PTPRA: variants seen among roughly 807,000 people sequenced by gnomAD.
The protein encoded by PTPRA is receptor-type tyrosine-protein phosphatase alpha.
Under a neutral mutation model 104.8 loss-of-function variants are expected in PTPRA, and 25 were observed. That is an observed-to-expected ratio of 0.24 (90% CI 0.17 to 0.33). The LOEUF is 0.33. PTPRA is among the 10% of genes least tolerant of loss of function. PTPRA has a pLI of 1.00. For missense variants in PTPRA, 765 were observed against 1,015.3 expected (o/e 0.75, Z 3.35); for synonymous variants, 323 against 368.9 (o/e 0.88, Z 1.43).
chr20:3,013,275 A>G (rs1010775334), intron 11 of PTPRA, among the ~76,000 whole-genome samples: 4 of 152,348 alleles, frequency 2.6e-5, no homozygotes, highest in African/African-American at 9.6e-5. Flanking sequence ...TAGTTTGGGA[A>G]ACACATAGGT....
rs540529821 is a variant in PTPRA, at chr20:3,032,586, C to A, written c.1921-2999C>A. 2.3e-3 allele frequency among the ~76,000 whole-genome samples: 340 copies of A among 151,080 alleles called. 3 individuals carry two copies. The highest frequency in any genetic ancestry group is 3.0e-3 in the Admixed American group (45 of 15,212). On this transcript the variant is annotated intron_variant, in intron 20 of 23. Transcript: ENST00000399903. ...ATCGAGACCAGCCTGGCCAACATGG[C>A]AAAACCCCATCTCTACTAAAAATAC...
rs541053787 is a variant in PTPRA at position 2,947,284 on chromosome 20, A to G, written c.-49-698A>G. On this transcript the variant is annotated intron_variant, in intron 2 of 23. Transcript: ENST00000399903. ...CCAACAGTCAGAGATTGTTACACCA[A>G]GATAAATAGCATATTTCTCAGCGCC... Among the ~76,000 whole-genome samples the G allele has an allele frequency of 3.3e-5, 5 of 152,340 alleles. No homozygotes were observed. In the South Asian group the frequency reaches 1.0e-3, roughly 32 times the overall value.
chr20:2,890,304 G>A (rs2058746573), intron 1 of PTPRA, among the ~76,000 whole-genome samples: 1 of 151,784 alleles, frequency 6.6e-6, no homozygotes, highest in African/African-American at 2.4e-5. Flanking sequence ...TTTAATTTTG[G>A]GTGTTGGATA....
chr20:2,991,243 C>T (rs1468079532), intron 9 of PTPRA, among the ~76,000 whole-genome samples: 1 of 151,978 alleles, frequency 6.6e-6, no homozygotes, highest in African/African-American at 2.4e-5. Context: ...CCTGTAATCC[C>T]AGCTACTTGG....
intron 1 of PTPRA, among the ~76,000 whole-genome samples, chr20:2,876,624 G>A (rs908709059): frequency 6.6e-6 from 1 of 152,192 alleles, no homozygotes; most frequent in Admixed American, 6.5e-5. Flanking sequence ...TTCTCTTACA[G>A]CAATGAATGT....
intron 1 of PTPRA, among the ~76,000 whole-genome samples, chr20:2,897,874 C>T (rs2059071810): frequency 6.8e-6 from 1 of 148,024 alleles, no homozygotes; most frequent in African/African-American, 2.5e-5. Flanking sequence ...TTCAGGCTGG[C>T]TCCTGTGTCC....
intron 1 of PTPRA, among the ~76,000 whole-genome samples, chr20:2,898,523 T>A (rs558257438): frequency 2.0e-5 from 3 of 151,486 alleles, no homozygotes; most frequent in Non-Finnish European, 2.9e-5. Context: ...CATGTCCCCA[T>A]CATTCTTTGA....
intron 6 of PTPRA, among the ~76,000 whole-genome samples, chr20:2,977,808 T>C (rs1411415777): frequency 6.6e-6 from 1 of 151,306 alleles, no homozygotes; most frequent in Admixed American, 6.6e-5. Context: ...TGTAAATATA[T>C]ATATGCATAT....
chr20:2,910,589 G>GTTTTTTTTTTTTTTTTTT (rs1423909050), intron 1 of PTPRA, among the ~76,000 whole-genome samples: 5 of 57,972 alleles, frequency 8.6e-5, no homozygotes, highest in Non-Finnish European at 8.6e-5. Flanking sequence ...TTTTTTTTTT[G>GTTTTTTTTTTTTTTTTTT]TTTTTTTTTT....
chr20:2,922,963 G>T (rs540474166), intron 1 of PTPRA, among the ~76,000 whole-genome samples: 1 of 151,774 alleles, frequency 6.6e-6, no homozygotes, highest in African/African-American at 2.4e-5. Flanking sequence ...GTCTCATTCT[G>T]TTCCCAGGCT....
At chr20:2,868,051 T>C in the PTPRA span, among the ~76,000 whole-genome samples, 1 of 152,218 alleles carries the variant, frequency 6.6e-6, no homozygotes, top group Non-Finnish European at 1.5e-5. Context: ...GCTGAAATCA[T>C]GTGAAAGCTT....
Position 2,975,142 on chromosome 20 carries a change from G to C in PTPRA, c.416-73G>C, listed in dbSNP as rs374723344. 1,787 of 1,336,940 alleles carry C rather than the reference G, an allele frequency of 1.3e-3. 1 individual carries two copies. Among genetic ancestry groups the C allele is most frequent in the Admixed American group, 2.1e-3 (105 of 49,552 alleles). 82.8% of individuals were successfully genotyped at this position (1,336,940 alleles called of 1,614,324 possible). A position where few individuals can be genotyped will look rare whatever the true frequency, so the allele number is the denominator to read the frequency against. On this transcript the variant is annotated intron_variant, in intron 5 of 23. Transcript: ENST00000399903. Reference sequence around the variant, plus strand: ...CATTCCTAATCCTGGAGCTTGTTTTGTTGTACTCTAATTGAATTGTAATGT... The same window carrying C: ...CATTCCTAATCCTGGAGCTTGTTTTCTTGTACTCTAATTGAATTGTAATGT...
chr20:2,962,595 A>G (rs1200694517), intron 3 of PTPRA, among the ~76,000 whole-genome samples: 5 of 152,192 alleles, frequency 3.3e-5, no homozygotes, highest in Non-Finnish European at 7.4e-5. Flanking sequence ...TGAGTTTCCA[A>G]TTTTGGATTA....
chr20:2,936,262 C>A (rs1003863675), intron 2 of PTPRA, among the ~76,000 whole-genome samples: 6 of 152,110 alleles, frequency 3.9e-5, no homozygotes, highest in African/African-American at 1.2e-4. Context: ...CAGAATGTGT[C>A]CTTACTGAGT....
intron 2 of PTPRA, among the ~76,000 whole-genome samples, chr20:2,945,960 A>G (rs1336438504): frequency 6.6e-6 from 1 of 151,868 alleles, no homozygotes; most frequent in African/African-American, 2.4e-5. Flanking sequence ...ATATATATAT[A>G]TCTATATCTT....
rs1180681994 is a variant in PTPRA, at chr20:3,030,676, CTTTTTTTTTTTTT to C, written c.1920+2850_1920+2862del. Among the ~76,000 whole-genome samples, 138 of 67,738 alleles carry C rather than the reference CTTTTTTTTTTTTT, an allele frequency of 2.0e-3. 1 individual carries two copies. The highest frequency in any genetic ancestry group is 4.0e-3 in the South Asian group (7 of 1,746). The allele number at this position is 67,738 out of a possible 152,430, so 44.4% of individuals were successfully genotyped here. On this transcript the variant is annotated intron_variant, in intron 20 of 23. Transcript: ENST00000399903. Reference sequence around the variant, plus strand: ...AAAAATTTTTAATTATCTCCCTCTGCTTTTTTTTTTTTTTTTTTTTTTTTTTTGAGATGGAGTC... The same window carrying C: ...AAAAATTTTTAATTATCTCCCTCTGCTTTTTTTTTTTTTTGAGATGGAGTC...
At chr20:2,985,378 A>G (rs529034229) in intron 6 of PTPRA, among the ~76,000 whole-genome samples, 44 of 152,362 alleles carry the variant, frequency 2.9e-4, no homozygotes, top group African/African-American at 1.0e-3. Context: ...AATGAGGTCA[A>G]GAAGACAAGT....
chr20:2,890,493 A>G (rs2058753403), intron 1 of PTPRA, among the ~76,000 whole-genome samples: 1 of 152,240 alleles, frequency 6.6e-6, no homozygotes, highest in African/African-American at 2.4e-5. Context: ...CTTAGCACAT[A>G]GTAAATCTTT....
intron 1 of PTPRA, among the ~76,000 whole-genome samples, chr20:2,905,769 CT>C (rs1260075067): frequency 7.0e-6 from 1 of 142,978 alleles, no homozygotes; most frequent in African/African-American, 2.6e-5. Flanking sequence ...ACCACAACCT[CT>C]GCCTCCTGGG....
Sources: allele counts gnomAD v4.1 joint callset (sites outside exome capture counted in the v4.1 genomes callset), GRCh38; gene constraint gnomAD v4.1.1; transcripts MANE v1.5; gene names NCBI Gene and HGNC (gene_info 2026-07-23, HGNC 2026-07-21).